The following DSCAM variants were observed in gnomAD, a reference collection of about 807,000 sequenced individuals.
The protein encoded by DSCAM is cell adhesion molecule DSCAM.
Under a neutral mutation model 217.7 loss-of-function variants are expected in DSCAM, and 47 were observed. The ratio of observed to expected loss-of-function variants is 0.22; its 90% CI spans 0.17 to 0.28. DSCAM has a LOEUF of 0.28. Ranked by LOEUF, DSCAM falls within the 10% of genes least tolerant of loss-of-function variation. DSCAM has a pLI of 1.00. For missense variants in DSCAM, 2,080 were observed against 2,618.3 expected (o/e 0.79, Z 4.49); for synonymous variants, 1,056 against 1,015.3 (o/e 1.04, Z -0.76).
chr21:40,169,570 C>T lies in DSCAM; in HGVS notation c.2948-2282G>A, dbSNP rs560216627. Among the ~76,000 whole-genome samples, 15 of 152,010 alleles carry T rather than the reference C, an allele frequency of 9.9e-5. No homozygotes were observed. In the East Asian group the frequency reaches 1.2e-3, roughly 12 times the overall value. On this transcript the variant is annotated intron_variant, in intron 15 of 32. Transcript: ENST00000400454. ...AGCTGATTCCGCAGGTCAGGGCTGG[C>T]GGGACTGGGAGAGAATGATACTATA... is the stretch of plus-strand genomic sequence containing the variant.
chr21:40,691,646 C>T (rs1253606674), intron 3 of DSCAM, among the ~76,000 whole-genome samples: 1 of 152,156 alleles, frequency 6.6e-6, no homozygotes, highest in African/African-American at 2.4e-5. Context: ...TTTTTCAACA[C>T]CCTAAGTTAA....
chr21:40,783,588 A>G (rs138692309), intron 1 of DSCAM, among the ~76,000 whole-genome samples: 224 of 152,328 alleles, frequency 1.5e-3, no homozygotes, highest in African/African-American at 5.1e-3. Flanking sequence ...CGGGTGACAC[A>G]GGAAAGGCAT....
At chr21:40,644,432 C>T (rs954591907) in intron 3 of DSCAM, among the ~76,000 whole-genome samples, 38 of 152,098 alleles carry the variant, frequency 2.5e-4, no homozygotes, top group Non-Finnish European at 4.6e-4. Flanking sequence ...AAGAAAACAG[C>T]AGGTTCGGCC....
chr21:40,423,055 G>A (rs2075439598), intron 3 of DSCAM, among the ~76,000 whole-genome samples: 1 of 152,168 alleles, frequency 6.6e-6, no homozygotes, highest in Non-Finnish European at 1.5e-5. Flanking sequence ...GACAGGCTTG[G>A]ATGTCTCCCT....
intron 16 of DSCAM, among the ~76,000 whole-genome samples, chr21:40,159,623 T>C (rs1162030401): frequency 6.6e-6 from 1 of 152,224 alleles, no homozygotes; most frequent in Non-Finnish European, 1.5e-5. Context: ...GCTCTGCCAC[T>C]CAGGCTAGAG....
intron 1 of DSCAM, among the ~76,000 whole-genome samples, chr21:40,721,446 G>T (rs1288762381): frequency 6.6e-6 from 1 of 152,156 alleles, no homozygotes; most frequent in Non-Finnish European, 1.5e-5. Context: ...GCTCATTGAT[G>T]AGAGAAATGG....
intron 20 of DSCAM, among the ~76,000 whole-genome samples, chr21:40,108,213 A>G (rs1238927470): frequency 6.6e-6 from 1 of 152,214 alleles, no homozygotes; most frequent in Non-Finnish European, 1.5e-5. Flanking sequence ...GAAGAGAGGA[A>G]GTCAAACTAT....
At chr21:40,061,209 G>A (rs1601286695) in intron 28 of DSCAM, among the ~76,000 whole-genome samples, 4 of 152,042 alleles carry the variant, frequency 2.6e-5, no homozygotes, top group Non-Finnish European at 5.9e-5. Flanking sequence ...AAAGTCCATA[G>A]CCTGCCTCTA....
At chr21:40,545,115 G>A (rs1238260103) in intron 3 of DSCAM, among the ~76,000 whole-genome samples, 1 of 152,138 alleles carries the variant, frequency 6.6e-6, no homozygotes, top group Non-Finnish European at 1.5e-5. Flanking sequence ...AGACATGAGA[G>A]CTTGTGTTCT....
chr21:40,379,243 C>T (rs921044519), intron 3 of DSCAM, among the ~76,000 whole-genome samples: 1 of 152,134 alleles, frequency 6.6e-6, no homozygotes, highest in African/African-American at 2.4e-5. Context: ...ATTTGAGTAT[C>T]TTAAAAGAAG....
chr21:40,325,786 C>A (rs1462145335), intron 8 of DSCAM, among the ~76,000 whole-genome samples: 1 of 152,186 alleles, frequency 6.6e-6, no homozygotes, highest in East Asian at 1.9e-4. Flanking sequence ...ATGCGGGGAA[C>A]TGGGACCTCT....
intron 3 of DSCAM, among the ~76,000 whole-genome samples, chr21:40,441,145 G>A (rs1030328598): frequency 1.3e-5 from 2 of 152,170 alleles, no homozygotes; most frequent in Non-Finnish European, 2.9e-5. Context: ...TGAGTGCCAA[G>A]TAGACCAGAT....
At chr21:40,044,028 C>CG (rs754524121) in intron 31 of DSCAM, 50 bp downstream of exon 31, 31 of 1,590,616 alleles carry the variant, frequency 1.9e-5, no homozygotes, top group African/African-American at 6.7e-5. Flanking sequence ...GCTCAAGGTG[C>CG]GGGGGCCGTG....
chr21:40,090,578 T>C (rs935819782), intron 21 of DSCAM, among the ~76,000 whole-genome samples: 1 of 152,176 alleles, frequency 6.6e-6, no homozygotes, highest in Non-Finnish European at 1.5e-5. Context: ...TTTGCAAGCA[T>C]CTGTTTTGAA....
intron 3 of DSCAM, among the ~76,000 whole-genome samples, chr21:40,651,884 T>A (rs944079208): frequency 3.3e-5 from 5 of 152,218 alleles, no homozygotes; most frequent in African/African-American, 1.2e-4. Context: ...AGACATTTTT[T>A]AAAATCTGTT....
At chr21:40,795,289 C>T (rs1407744801) in intron 1 of DSCAM, among the ~76,000 whole-genome samples, 2 of 152,176 alleles carry the variant, frequency 1.3e-5, no homozygotes, top group African/African-American at 4.8e-5. Context: ...GCTCACAGCC[C>T]TATAATCTCA....
At chr21:40,410,683 G>A (rs2075314777) in intron 3 of DSCAM, among the ~76,000 whole-genome samples, 1 of 151,410 alleles carries the variant, frequency 6.6e-6, no homozygotes, top group East Asian at 1.9e-4. Context: ...ATTTTGCCAT[G>A]CAAACCAGAG....
chr21:40,577,451 G>A (rs1377618688), intron 3 of DSCAM, among the ~76,000 whole-genome samples: 1 of 118,246 alleles, frequency 8.5e-6, no homozygotes, highest in African/African-American at 2.7e-5. Context: ...GTTTCCTCAG[G>A]TGGCGCCCCC....
At chr21:40,316,362 C>T (rs1210100444) in intron 8 of DSCAM, among the ~76,000 whole-genome samples, 1 of 152,174 alleles carries the variant, frequency 6.6e-6, no homozygotes, top group Non-Finnish European at 1.5e-5. Context: ...AGTTGCCTTG[C>T]TTGCATCAGC....
Sources: allele counts gnomAD v4.1 joint callset (sites outside exome capture counted in the v4.1 genomes callset), GRCh38; gene constraint gnomAD v4.1.1; transcripts MANE v1.5; gene names NCBI Gene and HGNC (gene_info 2026-07-23, HGNC 2026-07-21).